The following TTC7B variants were observed in gnomAD, a reference collection of about 807,000 sequenced individuals.
The protein encoded by TTC7B is tetratricopeptide repeat protein 7B.
Under a neutral mutation model 106.8 loss-of-function variants are expected in TTC7B, and 28 were observed. The observed-to-expected ratio is 0.26, with a 90% CI of 0.19 to 0.36. The LOEUF is 0.36. Among genes scored for constraint, TTC7B ranks in the 10% least tolerant of loss-of-function variants. TTC7B has a pLI of 1.00. For missense variants in TTC7B, 862 were observed against 1,076.4 expected, an observed-to-expected ratio of 0.80 and a Z score of 2.79; for synonymous variants, 405 against 430.6, an observed-to-expected ratio of 0.94 and a Z score of 0.74.
At chr14:90,723,549 G>T (rs999076624) in intron 5 of TTC7B, among the ~76,000 whole-genome samples, 1 of 151,988 alleles carries the variant, frequency 6.6e-6, no homozygotes, top group African/African-American at 2.4e-5. Flanking sequence ...GCTCTTTCCC[G>T]GGTCAAGACC....
chr14:90,773,609 A>T (rs978650587), intron 3 of TTC7B, among the ~76,000 whole-genome samples: 4 of 152,226 alleles, frequency 2.6e-5, no homozygotes, highest in African/African-American at 9.6e-5. Context: ...ATGCTCAGGC[A>T]CAGGGAACCC....
In TTC7B at chr14:90,680,067, G is replaced by A. The variant is rs560426846; in HGVS notation, c.1014+405C>T. On this transcript the variant is annotated intron_variant, in intron 8 of 19. Coordinates refer to ENST00000328459, the MANE Select transcript of TTC7B (RefSeq NM_001010854.2). ...ACAAATGACTTATCCCAAAATTCTC[G>A]CCCACTCCAGGGCAAATTGAGAGGC... Among the ~76,000 whole-genome samples, 44 of 152,280 alleles carry A rather than the reference G, an allele frequency of 2.9e-4. No homozygotes were observed. In the South Asian group the frequency reaches 6.0e-3, roughly 21 times the overall value.
At chr14:90,548,703 T>C (rs935445399) in intron 19 of TTC7B, among the ~76,000 whole-genome samples, 2 of 152,180 alleles carry the variant, frequency 1.3e-5, no homozygotes, top group African/African-American at 4.8e-5. Flanking sequence ...AATGAATAAA[T>C]GAGCAGACCC....
intron 1 of TTC7B, among the ~76,000 whole-genome samples, chr14:90,815,419 C>T (rs1396560873): frequency 6.6e-6 from 1 of 152,050 alleles, no homozygotes; most frequent in African/African-American, 2.4e-5. Context: ...CTGCCTCAGA[C>T]CCCCTTCTGG....
chr14:90,807,596 C>A lies in TTC7B; in HGVS notation c.121+8579G>T, dbSNP rs111982345. ...CCTGCTCACTCTATTTCTTCTGATG[C>A]CCCTCTGATACCTGGTGCTGTGCCC... On this transcript the variant is annotated intron_variant, in intron 1 of 19. Transcript: ENST00000328459. The surrounding 1 kb of genome is among the most constrained non-coding windows in gnomAD (Gnocchi z 4.1). 2.0e-3 allele frequency among the ~76,000 whole-genome samples: 302 copies of A among 152,346 alleles called. No homozygotes were observed. The highest frequency in any genetic ancestry group is 6.3e-3 in the African/African-American group (260 of 41,582).
At chr14:90,693,290 G>A (rs763512118) in intron 6 of TTC7B, among the ~76,000 whole-genome samples, 4 of 151,984 alleles carry the variant, frequency 2.6e-5, no homozygotes, top group Non-Finnish European at 4.4e-5. Context: ...TCTACCTAAT[G>A]AACGTCCCTA....
rs371733205 is a variant in TTC7B, at chr14:90,766,086, C to T, written c.445+14652G>A. Among the ~76,000 whole-genome samples the T allele has an allele frequency of 2.2e-4, 33 of 151,212 alleles. No individual in the cohort carries two copies. The East Asian group carries it at 3.3e-3, about 15-fold the overall frequency. ...AGACTCAGAGAAGACCTAAGAAGACCTCAAATATATACCCCAGGCTGATCC... is the reference window on the plus strand; with the variant it reads ...AGACTCAGAGAAGACCTAAGAAGACTTCAAATATATACCCCAGGCTGATCC... On this transcript the variant is annotated intron_variant, in intron 3 of 19. Transcript: ENST00000328459.
At chr14:90,767,029 A>C (rs1460426505) in intron 3 of TTC7B, 2 of 135,528 alleles carry the variant, frequency 1.5e-5, no homozygotes, top group Non-Finnish European at 2.9e-5. Context: ...TTTATATACC[A>C]AAAAAAAAAA....
intron 4 of TTC7B, among the ~76,000 whole-genome samples, chr14:90,733,409 C>A (rs1889400243): frequency 6.6e-6 from 1 of 152,176 alleles, no homozygotes; most frequent in Non-Finnish European, 1.5e-5. Context: ...GTCCAAAACA[C>A]AAGGGCAGCC....
chr14:90,635,623 G>C (rs1595229484), intron 15 of TTC7B, among the ~76,000 whole-genome samples: 1 of 151,864 alleles, frequency 6.6e-6, no homozygotes, highest in East Asian at 1.9e-4. Flanking sequence ...AGCCAGGTAT[G>C]GTGGTGGACA....
rs1450373349 is a variant in TTC7B, at chr14:90,570,186, TG to T, written c.2310+7919del. On this transcript the variant is annotated intron_variant, in intron 19 of 19. Coordinates refer to ENST00000328459, the MANE Select transcript of TTC7B (RefSeq NM_001010854.2). The surrounding 1 kb of genome is among the most constrained non-coding windows in gnomAD (Gnocchi z 4.0). ...AGCCTAGCAGGGCCTCCCTGAGGTC[TG>T]GCTTGTAATACACTGACATCCCACT... 1.3e-5 allele frequency among the ~76,000 whole-genome samples: 2 copies of T among 152,242 alleles called. No individual in the cohort carries two copies. The highest frequency in any genetic ancestry group is 4.8e-5 in the African/African-American group (2 of 41,476).
intron 12 of TTC7B, among the ~76,000 whole-genome samples, chr14:90,653,454 G>C (rs975770041): frequency 3.9e-5 from 6 of 152,212 alleles, no homozygotes; most frequent in Non-Finnish European, 7.3e-5. Context: ...ACAAGGAATG[G>C]AGTAGGCAAA....
At position 90,650,215 on chromosome 14, in the gene TTC7B, C is replaced by T. The variant is rs749199836; in HGVS notation, c.1517+2626G>A. Among the ~76,000 whole-genome samples, 9 of 152,192 alleles carry T rather than the reference C, an allele frequency of 5.9e-5. No individual in the cohort carries two copies. In the South Asian group the frequency reaches 8.3e-4, roughly 14 times the overall value. On this transcript the variant is annotated intron_variant, in intron 13 of 19. Coordinates refer to ENST00000328459, the MANE Select transcript of TTC7B (RefSeq NM_001010854.2). ...AGTTATCGACTATTACGCTTCTTGTCCAAGAACAGCCAGCAAATGAGAGAA... is the reference window on the plus strand; with the variant it reads ...AGTTATCGACTATTACGCTTCTTGTTCAAGAACAGCCAGCAAATGAGAGAA...
At chr14:90,660,313 C>T (rs578090700) in intron 9 of TTC7B, among the ~76,000 whole-genome samples, 111 of 146,452 alleles carry the variant, frequency 7.6e-4, no homozygotes, top group African/African-American at 2.4e-3. Context: ...TAGCTTGAGC[C>T]CAGGAGGCCG....
At chr14:90,659,228 TGTGAGA>T (rs1190473703) in intron 9 of TTC7B, among the ~76,000 whole-genome samples, 1 of 149,794 alleles carries the variant, frequency 6.7e-6, no homozygotes, top group Non-Finnish European at 1.5e-5. Flanking sequence ...TGTGTGTGTG[TGTGAGA>T]GAGAGAGAGT....
At chr14:90,619,920 G>C (rs1417497175) in intron 15 of TTC7B, among the ~76,000 whole-genome samples, 2 of 152,182 alleles carry the variant, frequency 1.3e-5, no homozygotes, top group Non-Finnish European at 2.9e-5. Flanking sequence ...GGACATCCAG[G>C]AGAATTCCTT....
intron 18 of TTC7B, among the ~76,000 whole-genome samples, chr14:90,579,373 C>T (rs768664792): frequency 3.3e-5 from 5 of 152,310 alleles, no homozygotes; most frequent in East Asian, 1.9e-4. Context: ...TGACCACTGG[C>T]GTATCCTGCA....
At chr14:90,801,841 A>T (rs1194045621) in intron 1 of TTC7B, among the ~76,000 whole-genome samples, 1 of 152,094 alleles carries the variant, frequency 6.6e-6, no homozygotes, top group Admixed American at 6.5e-5. Flanking sequence ...GGGGTGGATC[A>T]CCTGAGGTCA....
chr14:90,630,756 T>C (rs911241748), intron 15 of TTC7B, among the ~76,000 whole-genome samples: 1 of 152,238 alleles, frequency 6.6e-6, no homozygotes. Flanking sequence ...CTTTTGTGAC[T>C]GGCTTATTGC....
Sources: allele counts gnomAD v4.1 joint callset (sites outside exome capture counted in the v4.1 genomes callset), GRCh38; gene constraint gnomAD v4.1.1; non-coding constraint Gnocchi (gnomAD v3.1); transcripts MANE v1.5; gene names NCBI Gene and HGNC (gene_info 2026-07-23, HGNC 2026-07-21).